The following TNIP1 variants were observed in gnomAD, a reference collection of about 807,000 sequenced individuals.
TNIP1 encodes TNFAIP3-interacting protein 1.
TNIP1 carries 22 observed loss-of-function variants against 86.6 expected under a neutral mutation model. The observed-to-expected ratio is 0.25, with a 90% CI of 0.18 to 0.36. The LOEUF (loss-of-function observed/expected upper bound fraction) is 0.36, where lower values mean the gene tolerates loss of function less well. TNIP1 is among the 10% of genes least tolerant of loss of function. The pLI, the probability that TNIP1 is intolerant of heterozygous loss-of-function variation, is 1.00. For missense variants in TNIP1, 709 were observed against 820.6 expected (o/e 0.86, Z 1.66); for synonymous variants, 294 against 313.0 (o/e 0.94, Z 0.64).
intron 1 of TNIP1, among the ~76,000 whole-genome samples, chr5:151,070,690 T>C (rs79957024): frequency 0.015 from 2,248 of 152,298 alleles, 54 homozygotes; most frequent in African/African-American, 0.051. Flanking sequence ...TGATATCACA[T>C]TGCAGACATA....
chr5:151,030,129 C>G lies in TNIP1; in HGVS notation c.*584G>C, dbSNP rs776819880. 66 of 456,770 alleles carry G rather than the reference C, an allele frequency of 1.4e-4. No individual in the cohort carries two copies. Among genetic ancestry groups the G allele is most frequent in the Admixed American group, 4.7e-5 (2 of 42,564 alleles). 28.3% of individuals were successfully genotyped at this position (456,770 alleles called of 1,614,324 possible). On this transcript the variant is annotated 3_prime_UTR_variant, in exon 18 of 18. Transcript: ENST00000521591. Reference sequence around the variant, plus strand: ...GCGGACGTGGCTGGCATGGCCTTCTCCCATCTGTGATGGCTTCAGCAAGGC... The same window carrying G: ...GCGGACGTGGCTGGCATGGCCTTCTGCCATCTGTGATGGCTTCAGCAAGGC...
chr5:151,064,353 G>A (rs957210169), intron 2 of TNIP1, among the ~76,000 whole-genome samples: 1 of 152,230 alleles, frequency 6.6e-6, no homozygotes, highest in Non-Finnish European at 1.5e-5. Flanking sequence ...AAGAGTTTCA[G>A]GAGTGTGGAA....
rs555754007 is a variant in TNIP1 at position 151,030,865 on chromosome 5, C to G, written c.1877-118G>C. ...AACAGCTAGGGTTACTGGGTGCTAC[C>G]AAGTGCCAGGGCTAAGTACCTTAAG... On this transcript the variant is annotated intron_variant, in intron 17 of 17. Transcript: ENST00000521591. 80 of 825,082 alleles carry G rather than the reference C, an allele frequency of 9.7e-5. No homozygotes were observed. In the African/African-American group the frequency reaches 1.3e-3, roughly 14 times the overall value. The allele number at this position is 825,082 out of a possible 1,614,324, so 51.1% of individuals were successfully genotyped here. A position where few individuals can be genotyped will look rare whatever the true frequency, so the allele number is the denominator to read the frequency against.
At chr5:151,063,551 G>A (rs1761851576) in intron 3 of TNIP1, 62 bp downstream of exon 3, 2 of 1,584,984 alleles carry the variant, frequency 1.3e-6, no homozygotes, top group South Asian at 1.1e-5. Flanking sequence ...GGAGTTCACT[G>A]TGAAGGATTT....
intron 7 of TNIP1, 135 bp downstream of exon 7, chr5:151,052,030 G>A: frequency 1.4e-6 from 1 of 691,954 alleles, no homozygotes; most frequent in Non-Finnish European, 2.4e-6. Context: ...AGGATCAAGA[G>A]ACGTAACCTC....
Position 151,062,161 on chromosome 5 carries a change from T to C in TNIP1, c.323A>G (p.Asp108Gly). Residue 108 changes from aspartate (D) to glycine (G), a missense_variant, in exon 4 of 18, where the codon GAC (aspartate) becomes GGC (glycine). Coordinates refer to ENST00000521591, the MANE Select transcript of TNIP1 (RefSeq NM_006058.5). ...AGGCTTCTGGACTGGTGCTGGCTTG[T>C]CACTGGGGCATGCAGGGGCTGTGGG... ...ASPTAPACPS[D>G]KPAPVQKPPS... The C allele has an allele frequency of 6.2e-7, 1 of 1,614,176 alleles. No homozygotes were observed. The highest frequency in any genetic ancestry group is 1.1e-5 in the South Asian group (1 of 91,084).
chr5:151,039,202 T>C lies in TNIP1; in HGVS notation c.1158A>G (p.Ala386=), dbSNP rs751433507. 6.2e-7 allele frequency: 1 copy of C among 1,613,382 alleles called. No homozygotes were observed. The highest frequency in any genetic ancestry group is 8.5e-7 in the Non-Finnish European group (1 of 1,179,878). Residue 386 remains alanine (A), a synonymous_variant, in exon 12 of 18, where the codon GCA becomes GCG. Transcript: ENST00000521591. ...CCTTTTGGCGCAGCTCCTTGGCCTC[T>C]GCTGTCAGCTGCTCCTTGTCGGTCT... ...MEETDKEQLT[A]EAKELRQKVK...
At chr5:151,076,628 T>C (rs914311188) in intron 1 of TNIP1, among the ~76,000 whole-genome samples, 7 of 152,130 alleles carry the variant, frequency 4.6e-5, no homozygotes, top group African/African-American at 1.7e-4. Flanking sequence ...CTGTGCACTC[T>C]CTTACCACAC....
rs1471941838 is a variant in TNIP1, at chr5:151,063,663, G to T, written c.221C>A (p.Pro74Gln). 1 of 1,614,082 alleles carries T rather than the reference G, an allele frequency of 6.2e-7. No individual in the cohort carries two copies. Among genetic ancestry groups the T allele is most frequent in the African/African-American group, 1.3e-5 (1 of 75,020 alleles). Residue 74 changes from proline (P) to glutamine (Q), a missense_variant, in exon 3 of 18, where the codon CCA becomes CAA. Coordinates refer to ENST00000521591, the MANE Select transcript of TNIP1 (RefSeq NM_006058.5). Reference sequence around the variant, plus strand: ...GGAGCCCAAGGAGGGAGAAGGTGGTGGGAGCAGCTCGTTGTCCTTCACTAG... The same window carrying T: ...GGAGCCCAAGGAGGGAGAAGGTGGTTGGAGCAGCTCGTTGTCCTTCACTAG... ...EELVKDNELL[P>Q]PPSPSLGSFD...
intron 5 of TNIP1, among the ~76,000 whole-genome samples, chr5:151,059,115 A>G (rs191227022): frequency 6.6e-6 from 1 of 152,310 alleles, no homozygotes; most frequent in Admixed American, 6.5e-5. Flanking sequence ...CAAGCTTCAG[A>G]GCACAGGGAG....
intron 6 of TNIP1, among the ~76,000 whole-genome samples, chr5:151,056,204 C>T (rs1367264587): frequency 6.6e-6 from 1 of 152,220 alleles, no homozygotes; most frequent in Non-Finnish European, 1.5e-5. Flanking sequence ...AAGGTCTGGC[C>T]TGGCCTAGCA....
rs2113522109 is a variant in TNIP1 at position 151,049,859 on chromosome 5, C to T, written c.811G>A (p.Gly271Arg). The change falls in exon 8 of 18, where the codon GGG becomes AGG. Residue 271 changes from glycine to arginine, a missense_variant. Physicochemically the swap from Gly to Arg is moderately radical, Grantham distance 125 (BLOSUM62 -2). Coordinates refer to ENST00000521591, the MANE Select transcript of TNIP1 (RefSeq NM_006058.5). ...SGRPGSPKMEGTGKKAVAGQQ... is the reference protein window; with the variant it reads ...SGRPGSPKMERTGKKAVAGQQ... ...CCAGCCACTGCCTTCTTGCCTGTCCCTTCCATCTTCGGTGAGCCTGGCCGC... is the reference window on the plus strand; with the variant it reads ...CCAGCCACTGCCTTCTTGCCTGTCCTTTCCATCTTCGGTGAGCCTGGCCGC... 1.2e-6 allele frequency: 2 copies of T among 1,614,188 alleles called. No individual in the cohort carries two copies. Among genetic ancestry groups the T allele is most frequent in the East Asian group, 2.2e-5 (1 of 44,890 alleles).
intron 16 of TNIP1, chr5:151,032,612 C>A: frequency 1.8e-6 from 1 of 565,730 alleles, no homozygotes. Context: ...GAATCCAGGT[C>A]TTTGTAAATC....
At position 151,043,007 on chromosome 5, in the gene TNIP1, C is replaced by A. The variant is rs779952587; in HGVS notation, c.937-46G>T. 1.9e-6 allele frequency: 3 copies of A among 1,602,214 alleles called. No individual in the cohort carries two copies. The African/African-American group carries it at 4.0e-5, about 21-fold the overall frequency. ...TAGCAGGAGATGAGCAGAGAAGGAACAAGGAGAGCCATCTCCTGCCCCATG... is the reference window on the plus strand; with the variant it reads ...TAGCAGGAGATGAGCAGAGAAGGAAAAAGGAGAGCCATCTCCTGCCCCATG... On this transcript the variant is annotated intron_variant, in intron 9 of 17. Coordinates refer to ENST00000521591, the MANE Select transcript of TNIP1 (RefSeq NM_006058.5).
At chr5:151,036,703 C>G in intron 13 of TNIP1, 87 bp downstream of exon 13, 1 of 1,594,892 alleles carries the variant, frequency 6.3e-7, no homozygotes, top group South Asian at 1.1e-5. Flanking sequence ...ATTACAGGTT[C>G]CATGTGATTC....
intron 15 of TNIP1, chr5:151,034,482 A>G (rs1288495854): frequency 7.4e-5 from 20 of 269,048 alleles, no homozygotes; most frequent in African/African-American, 4.9e-4. Context: ...ACATGGGCAC[A>G]GAAGGCTCAT....
chr5:151,030,865 C>A, intron 17 of TNIP1, 118 bp from the exon 18 acceptor site: 1 of 825,078 alleles, frequency 1.2e-6, no homozygotes, highest in Non-Finnish European at 1.9e-6. Context: ...TGGGTGCTAC[C>A]AAGTGCCAGG....
At chr5:151,067,892 T>C (rs149770933) in intron 1 of TNIP1, among the ~76,000 whole-genome samples, 9 of 152,282 alleles carry the variant, frequency 5.9e-5, no homozygotes, top group Non-Finnish European at 1.2e-4. Context: ...GGGCCAGCCA[T>C]GCTCCCTCAG....
chr5:151,037,063 G>T, intron 12 of TNIP1, 142 bp from the exon 13 acceptor site: 2 of 1,074,356 alleles, frequency 1.9e-6, no homozygotes, highest in Non-Finnish European at 2.6e-6. Context: ...AATAAATGCT[G>T]CCCTATTTAT....
Sources: gnomAD v4.1 joint callset for allele counts (sites outside exome capture counted in the v4.1 genomes callset) on GRCh38, gnomAD v4.1.1 for gene constraint, MANE v1.5 for transcripts, NCBI Gene and HGNC (gene_info 2026-07-23, HGNC 2026-07-21) for gene names.